Variants in MTUS2 observed in about 807,000 individuals in gnomAD.
MTUS2 encodes the protein microtubule-associated tumor suppressor candidate 2.
A neutral mutation model predicts 114.1 loss-of-function variants in MTUS2; 40 were observed. The observed-to-expected ratio is 0.35, with a 90% CI of 0.27 to 0.46. MTUS2 has a LOEUF of 0.46. MTUS2 is among the 20% of genes least tolerant of loss of function. MTUS2 has a pLI of 1.00. For missense variants in MTUS2, 1,679 were observed against 1,705.4 expected, an observed-to-expected ratio of 0.98 and a Z score of 0.27; for synonymous variants, 688 against 672.0, an observed-to-expected ratio of 1.02 and a Z score of -0.37.
intron 2 of MTUS2, among the ~76,000 whole-genome samples, chr13:28,959,672 AAAC>A (rs1459235356): frequency 3.9e-5 from 6 of 152,150 alleles, no homozygotes; most frequent in African/African-American, 1.4e-4. Context: ...AGGCAATTTT[AAAC>A]AACCAGATTC....
At chr13:28,820,218 G>A (rs530775796), upstream of MTUS2, 3 of 146,710 alleles carry the variant, frequency 2.0e-5, no homozygotes, top group Non-Finnish European at 4.5e-5. Flanking sequence ...TCGTGCGGGC[G>A]GCTCCGGTCC....
chr13:29,055,447 A>G (rs187333), intron 4 of MTUS2, among the ~76,000 whole-genome samples: 96,984 of 151,964 alleles, frequency 0.64, 31,105 homozygotes, highest in South Asian at 0.76. Flanking sequence ...GTGGTTTGGT[A>G]TACAGATTAT....
chr13:29,342,819 T>G (rs972110417), intron 7 of MTUS2, among the ~76,000 whole-genome samples: 2 of 152,166 alleles, frequency 1.3e-5, no homozygotes, highest in African/African-American at 4.8e-5. Context: ...TTTTATTACC[T>G]TAAAGTATGT....
chr13:28,909,049 A>G (rs898706293), intron 2 of MTUS2, among the ~76,000 whole-genome samples: 1 of 151,332 alleles, frequency 6.6e-6, no homozygotes, highest in Non-Finnish European at 1.5e-5. Flanking sequence ...ATTGGTCTAT[A>G]TCTCTGTTTT....
In MTUS2 at chr13:29,325,470, A is replaced by G. The variant is rs1199392296; in HGVS notation, c.2905+759A>G. ...GACTTCATCTCAAAAAAAAAAAAAA[A>G]GAAAAGAAGAAGAGGAAGAGGGAGG... On this transcript the variant is annotated intron_variant, in intron 7 of 15. Coordinates refer to ENST00000612955, the MANE Select transcript of MTUS2 (RefSeq NM_001033602.4). Among the ~76,000 whole-genome samples, 100 of 102,440 alleles carry G rather than the reference A, an allele frequency of 9.8e-4. 1 individual carries two copies. Among genetic ancestry groups the G allele is most frequent in the African/African-American group, 3.4e-3 (98 of 29,114 alleles). 67.2% of individuals were successfully genotyped at this position (102,440 alleles called of 152,430 possible).
intron 5 of MTUS2, among the ~76,000 whole-genome samples, chr13:29,155,149 G>A (rs61945871): frequency 1.3e-5 from 2 of 152,164 alleles, no homozygotes; most frequent in African/African-American, 2.4e-5. Flanking sequence ...ATATAGTACC[G>A]TTTATATGAT....
chr13:29,172,417 C>T (rs1204411996), intron 5 of MTUS2, among the ~76,000 whole-genome samples: 1 of 152,122 alleles, frequency 6.6e-6, no homozygotes, highest in Non-Finnish European at 1.5e-5. Context: ...GCAGTTTGGC[C>T]TCTGAGAAGA....
intron 6 of MTUS2, among the ~76,000 whole-genome samples, chr13:29,322,021 A>G (rs1469568629): frequency 6.6e-6 from 1 of 152,144 alleles, no homozygotes; most frequent in Non-Finnish European, 1.5e-5. Flanking sequence ...AACTTATGTT[A>G]TATATGTTAT....
intron 6 of MTUS2, among the ~76,000 whole-genome samples, chr13:29,293,715 TTATGA>T (rs764815856): frequency 7.2e-5 from 11 of 152,110 alleles, no homozygotes; most frequent in Non-Finnish European, 1.5e-4. Flanking sequence ...TGTAAATAAG[TTATGA>T]TATAGCCATT....
chr13:29,324,586 C>G, intron 6 of MTUS2, 27 bp from the exon 7 acceptor site: 2 of 1,511,704 alleles, frequency 1.3e-6, no homozygotes, highest in Non-Finnish European at 1.8e-6. Flanking sequence ...TACTTTCTAC[C>G]TATTTCTCTT....
intron 2 of MTUS2, among the ~76,000 whole-genome samples, 176 bp downstream of exon 2, chr13:28,840,026 C>T (rs764741606): frequency 3.5e-4 from 42 of 120,962 alleles, no homozygotes; most frequent in Middle Eastern, 4.2e-3. Context: ...TATATGAAAG[C>T]TTAATTTTTT....
intron 2 of MTUS2, among the ~76,000 whole-genome samples, chr13:28,993,557 T>C (rs893558052): frequency 2.6e-5 from 4 of 152,204 alleles, no homozygotes; most frequent in Non-Finnish European, 4.4e-5. Flanking sequence ...TATGTTTAAA[T>C]CTTTAATCCA....
chr13:29,309,026 CA>C (rs1899620816), intron 6 of MTUS2, among the ~76,000 whole-genome samples: 2 of 152,150 alleles, frequency 1.3e-5, no homozygotes, highest in South Asian at 4.1e-4. Context: ...GGCAATTCCT[CA>C]AAGACCTAGA....
chr13:28,977,148 G>C (rs1884148971), intron 2 of MTUS2, among the ~76,000 whole-genome samples: 1 of 152,126 alleles, frequency 6.6e-6, no homozygotes, highest in Non-Finnish European at 1.5e-5. Context: ...TTTATCTGGT[G>C]GGGTCATTGC....
chr13:29,007,647 A>G (rs1000996770), intron 2 of MTUS2, among the ~76,000 whole-genome samples: 4 of 152,194 alleles, frequency 2.6e-5, no homozygotes, highest in African/African-American at 4.8e-5. Flanking sequence ...AGCCTACTCA[A>G]CGTGAAGATG....
intron 2 of MTUS2, among the ~76,000 whole-genome samples, chr13:28,850,723 T>A (rs1403097423): frequency 6.6e-6 from 1 of 152,250 alleles, no homozygotes; most frequent in Admixed American, 6.5e-5. Flanking sequence ...TCCTGGAGAC[T>A]GGTCTTTAGA....
intron 1 of MTUS2, among the ~76,000 whole-genome samples, chr13:28,823,604 C>T (rs1049083855): frequency 6.6e-6 from 1 of 152,218 alleles, no homozygotes; most frequent in African/African-American, 2.4e-5. Context: ...GCCCTCTTCT[C>T]AACTGGGCCT....
intron 6 of MTUS2, among the ~76,000 whole-genome samples, chr13:29,288,613 C>T (rs997283034): frequency 6.6e-6 from 1 of 152,100 alleles, no homozygotes; most frequent in African/African-American, 2.4e-5. Context: ...GGGGGTGGCA[C>T]TAGGGCAGGA....
chr13:28,984,441 G>T (rs1244608979), intron 2 of MTUS2, among the ~76,000 whole-genome samples: 1 of 152,130 alleles, frequency 6.6e-6, no homozygotes, highest in Non-Finnish European at 1.5e-5. Context: ...AGATGTGTTT[G>T]AGCAAATCAT....
Sources: gnomAD v4.1 joint callset for allele counts (sites outside exome capture counted in the v4.1 genomes callset) on GRCh38, gnomAD v4.1.1 for gene constraint, MANE v1.5 for transcripts, NCBI Gene and HGNC (gene_info 2026-07-23, HGNC 2026-07-21) for gene names.